The following DLG2 variants were observed in gnomAD, a reference collection of about 807,000 sequenced individuals.
The protein encoded by DLG2 is discs large MAGUK scaffold protein 2.
In DLG2, 45 loss-of-function variants were observed where a neutral mutation model predicts 132.5. That is an observed-to-expected ratio of 0.34 (90% CI 0.27 to 0.44). The LOEUF (loss-of-function observed/expected upper bound fraction) is 0.44. Ranked by LOEUF, DLG2 falls within the 20% of genes least tolerant of loss-of-function variation. The pLI, the probability that DLG2 is intolerant of heterozygous loss-of-function variation, is 1.00. For synonymous variants in DLG2, 424 were observed against 419.6 expected (o/e 1.01, Z -0.13); for missense variants, 1,045 against 1,196.9 (o/e 0.87, Z 1.87).
At chr11:85,324,613 C>G (rs1472142829) in intron 3 of DLG2, among the ~76,000 whole-genome samples, 1 of 152,126 alleles carries the variant, frequency 6.6e-6, no homozygotes, top group Non-Finnish European at 1.5e-5. Flanking sequence ...TTAGTAGTTT[C>G]TAACATACCT....
intron 3 of DLG2, among the ~76,000 whole-genome samples, chr11:85,400,446 G>C (rs899645979): frequency 6.8e-6 from 1 of 147,476 alleles, no homozygotes; most frequent in Non-Finnish European, 1.5e-5. Flanking sequence ...ATACCCAAAG[G>C]ATTATAAATC....
intron 6 of DLG2, among the ~76,000 whole-genome samples, chr11:84,595,312 T>G (rs1231560463): frequency 6.6e-6 from 1 of 151,976 alleles, no homozygotes; most frequent in Non-Finnish European, 1.5e-5. Context: ...AGGGTTTTGC[T>G]ATGTTGCCCA....
At chr11:85,149,740 T>C (rs1330811619) in intron 5 of DLG2, among the ~76,000 whole-genome samples, 4 of 152,148 alleles carry the variant, frequency 2.6e-5, no homozygotes, top group Non-Finnish European at 5.9e-5. Context: ...ATTGGACTGA[T>C]TAGTTAAATA....
chr11:84,817,830 A>G (rs1222066284), intron 6 of DLG2, among the ~76,000 whole-genome samples: 1 of 151,978 alleles, frequency 6.6e-6, no homozygotes, highest in African/African-American at 2.4e-5. Context: ...TTCTGAAACC[A>G]GAGGGAAAGA....
intron 6 of DLG2, among the ~76,000 whole-genome samples, chr11:84,589,405 T>A (rs556106146): frequency 6.6e-6 from 1 of 152,168 alleles, no homozygotes; most frequent in East Asian, 1.9e-4. Flanking sequence ...TGAAAATCAG[T>A]GTAAGGTATT....
chr11:83,883,804 C>CA (rs71463186), intron 15 of DLG2, among the ~76,000 whole-genome samples: 25,649 of 123,336 alleles, frequency 0.21, 2,676 homozygotes, highest in Non-Finnish European at 0.29. Flanking sequence ...AACATGTATA[C>CA]AAAAAAAAAA....
intron 15 of DLG2, among the ~76,000 whole-genome samples, chr11:83,926,348 A>G (rs897997850): frequency 3.3e-5 from 5 of 152,264 alleles, no homozygotes; most frequent in Admixed American, 6.5e-5. Context: ...GAGCTAGTGC[A>G]TATTCTAATC....
intron 18 of DLG2, among the ~76,000 whole-genome samples, chr11:83,739,542 C>T (rs1010603881): frequency 2.0e-5 from 3 of 151,976 alleles, no homozygotes; most frequent in Admixed American, 1.3e-4. Flanking sequence ...GAGATTTGAT[C>T]AGGCAATTCA....
chr11:85,493,300 A>G (rs1342145476), intron 3 of DLG2, among the ~76,000 whole-genome samples: 11 of 152,192 alleles, frequency 7.2e-5, no homozygotes, highest in African/African-American at 2.2e-4. Flanking sequence ...CAACCACACT[A>G]TCTTGCTCAT....
At chr11:84,770,212 G>C (rs1030569098) in intron 6 of DLG2, among the ~76,000 whole-genome samples, 1 of 152,136 alleles carries the variant, frequency 6.6e-6, no homozygotes, top group Non-Finnish European at 1.5e-5. Flanking sequence ...TCTCCCATGA[G>C]TAAAAGTTCC....
At position 83,613,148 on chromosome 11, in the gene DLG2, C is replaced by T. The variant is rs186639784; in HGVS notation, c.1940+20063G>A. 2.6e-4 allele frequency among the ~76,000 whole-genome samples: 40 copies of T among 152,174 alleles called. No homozygotes were observed. The East Asian group carries it at 7.4e-3, about 28-fold the overall frequency. On this transcript the variant is annotated intron_variant, in intron 19 of 27. Transcript: ENST00000376104. The stretch of plus-strand genomic sequence containing the variant: ...TAAACAAGAACACAGAGGGGAAAAG[C>T]TAGGGTTAGGGTCAAACTATGGAGG...
At chr11:85,540,189 C>T (rs1023188200) in intron 3 of DLG2, among the ~76,000 whole-genome samples, 1 of 152,164 alleles carries the variant, frequency 6.6e-6, no homozygotes, top group Admixed American at 6.5e-5. Context: ...CCTTTGCCCA[C>T]GGACATAAGT....
chr11:84,242,469 G>A (rs1326280291), intron 8 of DLG2, among the ~76,000 whole-genome samples: 1 of 151,294 alleles, frequency 6.6e-6, no homozygotes, highest in East Asian at 2.0e-4. Context: ...GCAATGGCAT[G>A]ATCCCGGCTC....
At chr11:84,943,456 T>C (rs556951136) in intron 6 of DLG2, among the ~76,000 whole-genome samples, 4 of 152,108 alleles carry the variant, frequency 2.6e-5, no homozygotes, top group Non-Finnish European at 4.4e-5. Flanking sequence ...CTTTCTCTGG[T>C]GGTATGTTTT....
At chr11:84,110,299 G>A (rs553378950) in intron 9 of DLG2, among the ~76,000 whole-genome samples, 1 of 152,176 alleles carries the variant, frequency 6.6e-6, no homozygotes, top group South Asian at 2.1e-4. Flanking sequence ...ATGGGTTATT[G>A]CCTCTCTGAA....
At chr11:84,667,364 A>C (rs2099700727) in intron 6 of DLG2, among the ~76,000 whole-genome samples, 1 of 152,148 alleles carries the variant, frequency 6.6e-6, no homozygotes, top group African/African-American at 2.4e-5. Flanking sequence ...ACAAATATTA[A>C]AAATACACTA....
intron 21 of DLG2, among the ~76,000 whole-genome samples, chr11:83,507,474 T>C (rs1180316471): frequency 2.0e-5 from 3 of 146,928 alleles, no homozygotes; most frequent in African/African-American, 7.4e-5. Flanking sequence ...ATACCCTATA[T>C]ATATATATCC....
chr11:85,070,000 G>C (rs1029100939), intron 6 of DLG2, among the ~76,000 whole-genome samples: 2 of 151,956 alleles, frequency 1.3e-5, no homozygotes, highest in African/African-American at 4.8e-5. Flanking sequence ...CATGTCCTTT[G>C]TAGGGACATG....
intron 6 of DLG2, chr11:84,546,395 T>A (rs2099389898): frequency 4.9e-6 from 1 of 206,106 alleles, no homozygotes; most frequent in Non-Finnish European, 1.0e-5. Flanking sequence ...GAGGCCAGCA[T>A]CATGCTTCTG....
Sources: gnomAD v4.1 joint callset for allele counts (sites outside exome capture counted in the v4.1 genomes callset) on GRCh38, gnomAD v4.1.1 for gene constraint, MANE v1.5 for transcripts, NCBI Gene and HGNC (gene_info 2026-07-23, HGNC 2026-07-21) for gene names.